The following KCNN2 variants were observed in gnomAD, a reference collection of about 807,000 sequenced individuals.
KCNN2 encodes the protein small conductance calcium-activated potassium channel protein 2.
In KCNN2, 24 loss-of-function variants were observed where a neutral mutation model predicts 55.5. That is an observed-to-expected ratio of 0.43 (90% CI 0.31 to 0.61). The LOEUF (loss-of-function observed/expected upper bound fraction) is 0.61. KCNN2 is among the 20% of genes least tolerant of loss of function. KCNN2 has a pLI of 0.08. For missense variants in KCNN2, 754 were observed against 853.6 expected (o/e 0.88, Z 1.45); for synonymous variants, 431 against 336.1 (o/e 1.28, Z -3.09).
chr5:114,463,211 CAT>C, intron 4 of KCNN2, 21 bp downstream of exon 4: 1 of 1,595,188 alleles, frequency 6.3e-7, no homozygotes, highest in South Asian at 1.1e-5. Context: ...TTATACTTCA[CAT>C]CTCTTTTATT....
intron 5 of KCNN2, among the ~76,000 whole-genome samples, chr5:114,478,825 A>G (rs373051701): frequency 1.8e-4 from 27 of 152,216 alleles, no homozygotes; most frequent in Admixed American, 4.6e-4. Flanking sequence ...AGAATATAAG[A>G]TCCTTTCCAG....
intron 2 of KCNN2, among the ~76,000 whole-genome samples, chr5:114,328,488 A>C (rs1580724987): frequency 6.6e-6 from 1 of 152,128 alleles, no homozygotes; most frequent in Non-Finnish European, 1.5e-5. Context: ...GAAAGCTCAT[A>C]TTTCCATCTC....
chr5:114,440,680 GT>G, intron 3 of KCNN2, among the ~76,000 whole-genome samples: 1 of 150,224 alleles, frequency 6.7e-6, no homozygotes, highest in Admixed American at 6.6e-5. Context: ...GGGAAGTGGG[GT>G]GGGGGTGGGG....
chr5:114,266,532 T>A lies in KCNN2; in HGVS notation c.-185+44967T>A, dbSNP rs1755210434. Among the ~76,000 whole-genome samples, 3 of 152,152 alleles carry A rather than the reference T, an allele frequency of 2.0e-5. 1 individual carries two copies. On this transcript the variant is annotated intron_variant, in intron 2 of 10. Transcript: ENST00000512097. The stretch of plus-strand genomic sequence containing the variant: ...TGCCAGGACTGCATTGTTAGAAGGT[T>A]ATCTGTTACCTCTGGACCAGAATAG...
At chr5:114,323,774 G>A (rs1026826800) in intron 2 of KCNN2, among the ~76,000 whole-genome samples, 3 of 149,264 alleles carry the variant, frequency 2.0e-5, no homozygotes, top group East Asian at 4.1e-4. Flanking sequence ...TCAGCCTCCC[G>A]AGTAGCTGGG....
At chr5:114,161,616 C>A (rs1234903560) in intron 1 of KCNN2, among the ~76,000 whole-genome samples, 1 of 152,190 alleles carries the variant, frequency 6.6e-6, no homozygotes, top group Non-Finnish European at 1.5e-5. Flanking sequence ...TGATTGCATT[C>A]TCCCCATCAC....
At chr5:114,445,363 T>C (rs577607499) in intron 3 of KCNN2, among the ~76,000 whole-genome samples, 78 of 152,354 alleles carry the variant, frequency 5.1e-4, no homozygotes, top group African/African-American at 1.7e-3. Context: ...ATTGTAGATG[T>C]CAACATTTTA....
At chr5:114,131,905 T>C (rs866178501) in intron 1 of KCNN2, among the ~76,000 whole-genome samples, 6 of 152,252 alleles carry the variant, frequency 3.9e-5, no homozygotes, top group African/African-American at 1.4e-4. Context: ...TTTCCTATTC[T>C]TGTTGGCCAC....
At chr5:114,448,525 G>A (rs57518296) in intron 3 of KCNN2, among the ~76,000 whole-genome samples, 5,213 of 152,284 alleles carry the variant, frequency 0.034, 112 homozygotes, top group South Asian at 0.075. Flanking sequence ...TTTTAGAATT[G>A]AAGTGGGAAA....
chr5:114,150,723 A>C (rs1362668898), intron 1 of KCNN2, among the ~76,000 whole-genome samples: 1 of 152,162 alleles, frequency 6.6e-6, no homozygotes, highest in East Asian at 1.9e-4. Flanking sequence ...AGCTTCTTAT[A>C]AAAACCAAAT....
intron 2 of KCNN2, among the ~76,000 whole-genome samples, chr5:114,364,401 T>A (rs1160238512): frequency 6.6e-6 from 1 of 152,202 alleles, no homozygotes; most frequent in African/African-American, 2.4e-5. Context: ...TATCTATCTA[T>A]ATAATCTTCT....
intron 6 of KCNN2, among the ~76,000 whole-genome samples, chr5:114,488,343 T>C (rs943321198): frequency 8.5e-5 from 13 of 152,142 alleles, no homozygotes; most frequent in Admixed American, 7.9e-4. Context: ...TAACACACTT[T>C]CCTAAGATAG....
chr5:114,143,698 C>T (rs573646421), intron 1 of KCNN2, among the ~76,000 whole-genome samples: 3 of 152,270 alleles, frequency 2.0e-5, no homozygotes, highest in South Asian at 2.1e-4. Flanking sequence ...CTTCATGTGC[C>T]GTTGGCTCAT....
At chr5:114,378,990 T>G (rs1355089865) in intron 2 of KCNN2, among the ~76,000 whole-genome samples, 1 of 152,194 alleles carries the variant, frequency 6.6e-6, no homozygotes, top group Non-Finnish European at 1.5e-5. Flanking sequence ...TATTGCTGTT[T>G]CTAGTGATTA....
chr5:114,324,390 G>A (rs1203854996), intron 2 of KCNN2, among the ~76,000 whole-genome samples: 1 of 152,178 alleles, frequency 6.6e-6, no homozygotes, highest in Non-Finnish European at 1.5e-5. Context: ...CTTAAAAATA[G>A]AGAACCTTAT....
At chr5:114,295,917 A>T (rs563958140) in intron 2 of KCNN2, among the ~76,000 whole-genome samples, 3 of 152,324 alleles carry the variant, frequency 2.0e-5, no homozygotes, top group Admixed American at 2.0e-4. Context: ...TAATATGGAT[A>T]AATAATATTT....
chr5:114,258,703 C>T (rs1045178863), intron 2 of KCNN2, among the ~76,000 whole-genome samples: 14 of 152,282 alleles, frequency 9.2e-5, no homozygotes, highest in African/African-American at 3.1e-4. Context: ...ATGCCCTCAT[C>T]GTGGTGCTTG....
intron 2 of KCNN2, among the ~76,000 whole-genome samples, chr5:114,368,870 A>AT (rs5870605): frequency 0.79 from 119,307 of 150,558 alleles, 47,417 homozygotes; most frequent in East Asian, 0.97. Flanking sequence ...GACCTATTTC[A>AT]TTTTTTTTTA....
chr5:114,167,306 T>G (rs1343633433), intron 1 of KCNN2, among the ~76,000 whole-genome samples: 1 of 152,192 alleles, frequency 6.6e-6, no homozygotes. Context: ...TATTATTTTA[T>G]GCTACCAAGT....
Sources: allele counts gnomAD v4.1 joint callset (sites outside exome capture counted in the v4.1 genomes callset), GRCh38; gene constraint gnomAD v4.1.1; transcripts MANE v1.5; gene names NCBI Gene and HGNC (gene_info 2026-07-23, HGNC 2026-07-21).